The following ZNF385C variants were observed in gnomAD, a reference collection of about 807,000 sequenced individuals.
ZNF385C encodes the protein zinc finger protein 385C.
A neutral mutation model predicts 35.4 loss-of-function variants in ZNF385C; 28 were observed. That is an observed-to-expected ratio of 0.79 (90% CI 0.59 to 1.08). The LOEUF (loss-of-function observed/expected upper bound fraction) is 1.08, where lower values mean the gene tolerates loss of function less well. ZNF385C is among the 50% of genes least tolerant of loss of function. The pLI is 0.00. For missense variants in ZNF385C, 605 were observed against 595.6 expected (o/e 1.02, Z -0.16); for synonymous variants, 248 against 248.2 (o/e 1.00, Z 0.01).
At chr17:42,043,580 CAGGCAG>C (rs1490222189) in intron 2 of ZNF385C, 106 of 405,510 alleles carry the variant, frequency 2.6e-4, no homozygotes, top group Non-Finnish European at 4.0e-4. Flanking sequence ...ATGAAAGAGA[CAGGCAG>C]AGGTGTTAGG....
rs140982734 is a variant in ZNF385C at position 42,027,768 on chromosome 17, G to A, written c.1165-40C>T. On this transcript the variant is annotated intron_variant, in intron 7 of 8. Transcript: ENST00000692273. ...GACAGACTGGGAACAAGATGACAAAGCCCAAGGACCCCAAGACCATCATCC... is the reference window on the plus strand; with the variant it reads ...GACAGACTGGGAACAAGATGACAAAACCCAAGGACCCCAAGACCATCATCC... The A allele has an allele frequency of 3.1e-6, 5 of 1,592,108 alleles. No homozygotes were observed. In the African/African-American group the frequency reaches 6.7e-5, roughly 21 times the overall value.
At chr17:42,042,843 C>T in intron 2 of ZNF385C, 1 of 1,232,296 alleles carries the variant, frequency 8.1e-7, no homozygotes, top group Non-Finnish European at 1.0e-6. Flanking sequence ...CCTGCATGTC[C>T]CTCACCCTCC....
chr17:42,088,737 G>A (rs1456774029), intron 1 of ZNF385C, among the ~76,000 whole-genome samples: 1 of 152,236 alleles, frequency 6.6e-6, no homozygotes, highest in African/African-American at 2.4e-5. Flanking sequence ...CCAGAAGCAG[G>A]GAGCTAAGGG....
chr17:42,057,356 G>A (rs1048228040), intron 2 of ZNF385C, among the ~76,000 whole-genome samples: 35 of 152,176 alleles, frequency 2.3e-4, no homozygotes, highest in Middle Eastern at 3.2e-3. Context: ...GTGGGGCTGG[G>A]GGTAGGTCAT....
chr17:42,073,153 T>A (rs782163492), intron 1 of ZNF385C, among the ~76,000 whole-genome samples: 2 of 152,086 alleles, frequency 1.3e-5, no homozygotes, highest in African/African-American at 4.8e-5. Context: ...GATTGGGGAC[T>A]TAGGTAGGCA....
chr17:42,069,912 A>C (rs903204545), intron 1 of ZNF385C, among the ~76,000 whole-genome samples: 1 of 152,174 alleles, frequency 6.6e-6, no homozygotes, highest in East Asian at 1.9e-4. Context: ...CATGGTGGTG[A>C]GTGCCTGTAA....
intron 4 of ZNF385C, 86 bp from the exon 5 acceptor site, chr17:42,031,870 T>C (rs1232400564): frequency 1.4e-6 from 2 of 1,462,162 alleles, no homozygotes; most frequent in African/African-American, 1.4e-5. Context: ...GGGGGACAGG[T>C]CAAAGGGAGG....
intron 5 of ZNF385C, among the ~76,000 whole-genome samples, chr17:42,029,771 C>A (rs373185534): frequency 6.6e-6 from 1 of 151,594 alleles, no homozygotes; most frequent in Admixed American, 6.6e-5. Flanking sequence ...CAGTGGCTCA[C>A]GCCTGTGATC....
At chr17:42,086,378 T>C (rs536054344) in intron 1 of ZNF385C, among the ~76,000 whole-genome samples, 2 of 150,644 alleles carry the variant, frequency 1.3e-5, no homozygotes, top group South Asian at 4.2e-4. Flanking sequence ...TGAGACTTTG[T>C]CTTAAATAAA....
At chr17:42,079,981 A>G (rs2053731479) in intron 1 of ZNF385C, among the ~76,000 whole-genome samples, 1 of 151,998 alleles carries the variant, frequency 6.6e-6, no homozygotes, top group African/African-American at 2.4e-5. Context: ...ATTTTTCCCA[A>G]CTCAGAGCTC....
intron 2 of ZNF385C, chr17:42,039,788 G>A: frequency 8.1e-7 from 1 of 1,232,340 alleles, no homozygotes; most frequent in Non-Finnish European, 1.0e-6. Context: ...AACTCGTGCA[G>A]CGGGGGCCCA....
chr17:42,040,641 C>T (rs17737298), intron 2 of ZNF385C: 6 of 1,232,190 alleles, frequency 4.9e-6, no homozygotes, highest in Admixed American at 8.4e-5. Flanking sequence ...AGGCCTCGGC[C>T]ACTGCTTCCA....
intron 1 of ZNF385C, among the ~76,000 whole-genome samples, chr17:42,097,889 T>C (rs566573191): frequency 1.3e-5 from 2 of 152,306 alleles, no homozygotes; most frequent in South Asian, 4.1e-4. Context: ...CACCCCCTTG[T>C]ACCCAGATGT....
chr17:42,027,039 A>G lies in ZNF385C; in HGVS notation c.1370T>C (p.Leu457Pro), dbSNP rs1555654274. The G allele has an allele frequency of 1.9e-6, 3 of 1,608,624 alleles. No individual in the cohort carries two copies. The highest frequency in any genetic ancestry group is 2.5e-6 in the Non-Finnish European group (3 of 1,177,506). ...AGGGCGGAGGGCCAGGGGCCCTGGC[A>G]GAGCACAGATGGCAGTGGCTGCGGT... ...LPTAATAICA[L>P]PGPLALRPAP... Residue 457 changes from leucine to proline, a missense_variant, in exon 9 of 9, where the codon CTG becomes CCG. By Grantham distance (98) the Leu-to-Pro change is moderately conservative. Coordinates refer to ENST00000692273, the MANE Select transcript of ZNF385C (RefSeq NM_001392013.1).
Position 42,026,017 on chromosome 17 carries a change from T to G in ZNF385C, c.*880A>C, listed in dbSNP as rs1285883656. ...AGACCCACACCCGCCCTCCAAGAGT[T>G]GGGGTTCAGGAAGTCAGAGAAAGGC... On this transcript the variant is annotated 3_prime_UTR_variant, in exon 9 of 9. Transcript: ENST00000692273. 1.6e-4 allele frequency: 25 copies of G among 151,970 alleles called. No homozygotes were observed. The highest frequency in any genetic ancestry group is 6.0e-4 in the African/African-American group (25 of 41,340). 9.4% of individuals were successfully genotyped at this position (151,970 alleles called of 1,614,324 possible). A position where few individuals can be genotyped will look rare whatever the true frequency, so the allele number is the denominator to read the frequency against.
chr17:42,029,112 G>A (rs1421588673), intron 5 of ZNF385C, 39 bp from the exon 6 acceptor site: 51 of 1,527,146 alleles, frequency 3.3e-5, no homozygotes, highest in Admixed American at 2.4e-4. Flanking sequence ...CCAAGATGAC[G>A]CTGCAGACCA....
In ZNF385C at chr17:42,027,743, G is replaced by A. The variant is rs988214284; in HGVS notation, c.1165-15C>T. 1 of 1,607,286 alleles carries A rather than the reference G, an allele frequency of 6.2e-7. No homozygotes were observed. On this transcript the variant is annotated splice_polypyrimidine_tract_variant and intron_variant, in intron 7 of 8. Coordinates refer to ENST00000692273, the MANE Select transcript of ZNF385C (RefSeq NM_001392013.1). ...CTGCTCATGTGCTAATGGACAGACA[G>A]ACAGACTGGGAACAAGATGACAAAG...
chr17:42,028,216 T>C lies in ZNF385C; in HGVS notation c.998A>G (p.Gln333Arg), dbSNP rs904886224. Reference sequence around the variant, plus strand: ...CCGGCTCCTCCGGGGAGCCCCTCGCTGACCTTCCATCATCCACCGGTGCTT... The same window carrying C: ...CCGGCTCCTCCGGGGAGCCCCTCGCCGACCTTCCATCATCCACCGGTGCTT... The part of the protein sequence containing the change: ...GAKHRWMMEG[Q>R]RGAPRRSRGR... The change falls in exon 7 of 9, where the codon CAG becomes CGG. Residue 333 changes from glutamine to arginine, a missense_variant. Physicochemically the swap from Gln to Arg is conservative, Grantham distance 43 (BLOSUM62 1). Transcript: ENST00000692273. 2 of 1,551,378 alleles carry C rather than the reference T, an allele frequency of 1.3e-6. No homozygotes were observed. The highest frequency in any genetic ancestry group is 1.2e-5 in the South Asian group (1 of 81,972).
chr17:42,045,273 G>A (rs531829451), intron 2 of ZNF385C, among the ~76,000 whole-genome samples: 6 of 152,232 alleles, frequency 3.9e-5, no homozygotes, highest in African/African-American at 1.2e-4. Flanking sequence ...GGATGGTCTC[G>A]ATCTCCTGAC....
Sources: allele counts gnomAD v4.1 joint callset (sites outside exome capture counted in the v4.1 genomes callset), GRCh38; gene constraint gnomAD v4.1.1; transcripts MANE v1.5; gene names NCBI Gene and HGNC (gene_info 2026-07-23, HGNC 2026-07-21).